Variants in TRIM31 observed in about 807,000 individuals in gnomAD.
TRIM31 encodes the protein tripartite motif containing 31.
A neutral mutation model predicts 40.6 loss-of-function variants in TRIM31; 31 were observed. The ratio of observed to expected loss-of-function variants is 0.76; its 90% CI spans 0.57 to 1.03. The LOEUF is 1.03. Ranked by LOEUF, TRIM31 falls within the 50% of genes least tolerant of loss-of-function variation. The pLI is 0.00. For missense variants in TRIM31, 455 were observed against 497.5 expected (o/e 0.91, Z 0.81); for synonymous variants, 164 against 193.9 (o/e 0.85, Z 1.28).
Position 30,103,508 on chromosome 6 carries a change from C to T in TRIM31, c.*28G>A. 6.2e-7 allele frequency: 1 copy of T among 1,611,114 alleles called. No individual in the cohort carries two copies. Among genetic ancestry groups the T allele is most frequent in the Non-Finnish European group, 8.5e-7 (1 of 1,178,838 alleles). ...CTATGCTCCGAAGTCCGTGTAGCAC[C>T]ACCGCTCCCCGTGTTCTCTGAGCTG... On this transcript the variant is annotated 3_prime_UTR_variant, in exon 9 of 9. Coordinates refer to ENST00000376734, the MANE Select transcript of TRIM31 (RefSeq NM_007028.5).
Position 30,103,328 on chromosome 6 carries a change from A to C in TRIM31, c.*208T>G, listed in dbSNP as rs1250592805. The C allele has an allele frequency of 1.6e-5, 12 of 761,918 alleles. No individual in the cohort carries two copies. Among genetic ancestry groups the C allele is most frequent in the Non-Finnish European group, 2.3e-5 (11 of 468,812 alleles). 47.2% of individuals were successfully genotyped at this position (761,918 alleles called of 1,614,324 possible). On this transcript the variant is annotated 3_prime_UTR_variant, in exon 9 of 9. Coordinates refer to ENST00000376734, the MANE Select transcript of TRIM31 (RefSeq NM_007028.5). ...ATTGTCTCTTCCCCTCCTTTTGCTC[A>C]AGAATTCGTCCATTCCTTCTCCAAC... is the stretch of plus-strand genomic sequence containing the variant.
intron 6 of TRIM31, among the ~76,000 whole-genome samples, chr6:30,106,527 C>T (rs1241347766): frequency 3.3e-5 from 5 of 152,142 alleles, no homozygotes; most frequent in South Asian, 2.1e-4. Context: ...TCCTGTATTT[C>T]CTAGGCTTTA....
At chr6:30,104,226 A>T in intron 7 of TRIM31, 59 bp from the exon 8 acceptor site, 1 of 1,551,830 alleles carries the variant, frequency 6.4e-7, no homozygotes, top group African/African-American at 1.4e-5. Context: ...GCAAATTAAA[A>T]ACAAAAACAA....
rs1225893921 is a variant in TRIM31, at chr6:30,112,614, T to G, written c.192A>C (p.Ala64=). Residue 64 remains alanine (A), a synonymous_variant, in exon 2 of 9, where the codon GCA becomes GCC. Coordinates refer to ENST00000376734, the MANE Select transcript of TRIM31 (RefSeq NM_007028.5). The part of the protein sequence containing the change: ...PLCKTSVRKN[A]IRFNSLLRNL... ...TCCGCAACAGCGAGTTGAACCTGAT[T>G]GCGTTCTTCCTTACGGAAGTTTTGC... 1 of 1,613,140 alleles carries G rather than the reference T, an allele frequency of 6.2e-7. No individual in the cohort carries two copies. Among genetic ancestry groups the G allele is most frequent in the South Asian group, 1.1e-5 (1 of 91,086 alleles).
chr6:30,111,359 A>G lies in TRIM31; in HGVS notation c.513+289T>C, dbSNP rs1769293694. The G allele has an allele frequency of 9.7e-6, 4 of 413,448 alleles. No homozygotes were observed. The Admixed American group carries it at 1.7e-4, about 17-fold the overall frequency. The allele number at this position is 413,448 out of a possible 1,614,324, so 25.6% of individuals were successfully genotyped here. A position where few individuals can be genotyped will look rare whatever the true frequency, so the allele number is the denominator to read the frequency against. The stretch of plus-strand genomic sequence containing the variant: ...AATGTCTTCATTTTCTAATTGGGGA[A>G]TCCGTTGAGGGCGCAGCTCGGCCTT... On this transcript the variant is annotated intron_variant, in intron 3 of 8. Transcript: ENST00000376734.
chr6:30,109,939 T>C (rs1053887836), intron 4 of TRIM31, among the ~76,000 whole-genome samples: 8 of 151,202 alleles, frequency 5.3e-5, no homozygotes, highest in African/African-American at 1.9e-4. Flanking sequence ...TTGGTAAGAC[T>C]ATATTTTACT....
Position 30,103,332 on chromosome 6 carries a change from A to T in TRIM31, c.*204T>A, listed in dbSNP as rs572067300. On this transcript the variant is annotated 3_prime_UTR_variant, in exon 9 of 9. Transcript: ENST00000376734. ...TCTCTTCCCCTCCTTTTGCTCAAGA[A>T]TTCGTCCATTCCTTCTCCAACTCTC... is the stretch of plus-strand genomic sequence containing the variant. The T allele has an allele frequency of 1.2e-5, 9 of 768,062 alleles. No homozygotes were observed. The highest frequency in any genetic ancestry group is 1.8e-5 in the African/African-American group (1 of 57,076). The allele number at this position is 768,062 out of a possible 1,614,324, so 47.6% of individuals were successfully genotyped here. A position where few individuals can be genotyped will look rare whatever the true frequency, so the allele number is the denominator to read the frequency against.
intron 4 of TRIM31, 55 bp from the exon 5 acceptor site, chr6:30,109,103 C>G: frequency 6.3e-7 from 1 of 1,597,042 alleles, no homozygotes; most frequent in South Asian, 1.1e-5. Flanking sequence ...TCCCAGGAGC[C>G]AAGGAGGAGA....
Position 30,110,671 on chromosome 6 carries a change from ACCTGGT to A in TRIM31, c.515_520del (p.Asp172_Gln173del). The A allele has an allele frequency of 6.2e-7, 1 of 1,614,048 alleles. No homozygotes were observed. ...GAGGATCCTTTGCTTCTCATGTTCT[ACCTGGT>A]CCTAAGAAACAGGGACAGGCAGAGG... On this transcript the variant is annotated inframe_deletion and splice_region_variant, in exon 4 of 9. Coordinates refer to ENST00000376734, the MANE Select transcript of TRIM31 (RefSeq NM_007028.5).
Position 30,103,747 on chromosome 6 carries a change from G to C in TRIM31, c.1067C>G (p.Ala356Gly). ...TSGPPNHHSS[A>G]PSHSLFRASS... is the part of the protein sequence containing the mutation. The stretch of plus-strand genomic sequence containing the variant: ...GGCCCGAAACAGGGAGTGGGATGGG[G>C]CTGAAGAGTGGTGATTTGGTGGCCC... Residue 356 changes from alanine to glycine, a missense_variant, in exon 9 of 9, where the codon GCC becomes GGC. By Grantham distance (60) the Ala-to-Gly change is moderately conservative. Coordinates refer to ENST00000376734, the MANE Select transcript of TRIM31 (RefSeq NM_007028.5). 6.2e-7 allele frequency: 1 copy of C among 1,613,098 alleles called. No homozygotes were observed. Among genetic ancestry groups the C allele is most frequent in the Middle Eastern group, 1.6e-4 (1 of 6,062 alleles).
rs750490603 is a variant in TRIM31, at chr6:30,104,118, G to C, written c.1008C>G (p.Pro336=). 6.2e-7 allele frequency: 1 copy of C among 1,612,826 alleles called. No homozygotes were observed. Among genetic ancestry groups the C allele is most frequent in the South Asian group, 1.1e-5 (1 of 91,076 alleles). ...NNHKMNKTSE[P]GSSSAGGRTT... ...GACTCTTACCTGCAGAAGATGACCC[G>C]GGCTCTGAGGTTTTGTTCATTTTAT... The change falls in exon 8 of 9, where the codon CCC becomes CCG. Residue 336 remains proline (P), a synonymous_variant. Coordinates refer to ENST00000376734, the MANE Select transcript of TRIM31 (RefSeq NM_007028.5).
chr6:30,105,061 C>A, intron 7 of TRIM31, 107 bp downstream of exon 7: 1 of 932,770 alleles, frequency 1.1e-6, no homozygotes, highest in South Asian at 1.6e-5. Flanking sequence ...GCTGAGGAAT[C>A]GGCATTCACT....
intron 5 of TRIM31, chr6:30,108,712 GA>G (rs1159682998): frequency 1.5e-5 from 8 of 519,744 alleles, no homozygotes; most frequent in South Asian, 4.8e-5. Flanking sequence ...AGAGAGGAGG[GA>G]AAAAAACAGG....
chr6:30,106,594 A>G (rs1768728109), intron 6 of TRIM31, among the ~76,000 whole-genome samples: 1 of 137,946 alleles, frequency 7.2e-6, no homozygotes, highest in Non-Finnish European at 1.6e-5. Context: ...AATAAAAATA[A>G]GAGAAAAAAA....
Position 30,105,207 on chromosome 6 carries a change from T to A in TRIM31, c.919A>T (p.Arg307Ter), listed in dbSNP as rs1424861270. 1 of 1,612,854 alleles carries A rather than the reference T, an allele frequency of 6.2e-7. No homozygotes were observed. Among genetic ancestry groups the A allele is most frequent in the African/African-American group, 1.3e-5 (1 of 74,928 alleles). Reference protein sequence around the residue: ...LQADRKKDENRFFKSMNKNDM... With the variant: ...LQADRKKDEN ...TTTTTATTCATGCTTTTGAAGAATC[T>A]GTTTTCATCTTTTTTCCTATCAGCC... Residue 307 changes from arginine (R) to a stop codon, truncating the protein, a stop_gained, in exon 7 of 9, where the codon AGA (arginine) becomes TGA (stop). Coordinates refer to ENST00000376734, the MANE Select transcript of TRIM31 (RefSeq NM_007028.5). LOFTEE classifies it high-confidence loss of function.
In TRIM31 at chr6:30,103,431, T is replaced by A; in HGVS notation, c.*105A>T. ...CCCATTCTCCACTCCTTCGACCCAA[T>A]TCCACTAAGTCAAGAACCGTGGTCG... On this transcript the variant is annotated 3_prime_UTR_variant, in exon 9 of 9. Transcript: ENST00000376734. 1 of 1,317,008 alleles carries A rather than the reference T, an allele frequency of 7.6e-7. No individual in the cohort carries two copies. Among genetic ancestry groups the A allele is most frequent in the Non-Finnish European group, 1.0e-6 (1 of 994,782 alleles). The allele number at this position is 1,317,008 out of a possible 1,614,324, so 81.6% of individuals were successfully genotyped here.
chr6:30,111,426 C>G, intron 3 of TRIM31: 1 of 543,078 alleles, frequency 1.8e-6, no homozygotes, highest in Non-Finnish European at 3.2e-6. Flanking sequence ...GCGGGTTTTC[C>G]GTGCCCCACC....
intron 8 of TRIM31, 122 bp from the exon 9 acceptor site, chr6:30,103,911 A>C: frequency 1.3e-6 from 2 of 1,497,166 alleles, no homozygotes. Flanking sequence ...AAACTCAAGA[A>C]AGTACACCTG....
At chr6:30,108,018 G>T in intron 6 of TRIM31, 35 bp downstream of exon 6, 2 of 1,344,956 alleles carry the variant, frequency 1.5e-6, no homozygotes, top group Non-Finnish European at 1.1e-6. Context: ...TCTCCTGGAA[G>T]TAGGTGAATA....
Sources: allele counts gnomAD v4.1 joint callset (sites outside exome capture counted in the v4.1 genomes callset), GRCh38; gene constraint gnomAD v4.1.1; transcripts MANE v1.5; gene names NCBI Gene and HGNC (gene_info 2026-07-23, HGNC 2026-07-21).